Variants in TENM3 observed in about 807,000 individuals in gnomAD.
TENM3 encodes teneurin transmembrane protein 3, also known as teneurin-3.
In TENM3, 63 loss-of-function variants were observed where a neutral mutation model predicts 255.1. The observed-to-expected ratio is 0.25, with a 90% CI of 0.20 to 0.30. TENM3 has a LOEUF of 0.30. Among genes scored for constraint, TENM3 ranks in the 10% least tolerant of loss-of-function variants. The pLI is 1.00. For missense variants in TENM3, 2,929 were observed against 3,461.1 expected (o/e 0.85, Z 3.86); for synonymous variants, 1,306 against 1,322.3 (o/e 0.99, Z 0.27).
At chr4:182,580,412 C>T (rs769295634) in intron 3 of TENM3, among the ~76,000 whole-genome samples, 3 of 152,092 alleles carry the variant, frequency 2.0e-5, no homozygotes, top group Non-Finnish European at 4.4e-5. Context: ...ACCTCTTCAT[C>T]GCTCTATTTT....
the TENM3 span, among the ~76,000 whole-genome samples, chr4:181,825,270 G>C: frequency 2.0e-5 from 3 of 151,936 alleles, no homozygotes; most frequent in Non-Finnish European, 2.9e-5. Flanking sequence ...TTGTGTTGGC[G>C]TGAGCCTGTA....
the TENM3 span, among the ~76,000 whole-genome samples, chr4:181,823,029 A>G: frequency 6.6e-6 from 1 of 152,312 alleles, no homozygotes; most frequent in East Asian, 1.9e-4. Context: ...AATGCAGGGA[A>G]TGGATTAATT....
At chr4:181,504,383 G>C in the TENM3 span, among the ~76,000 whole-genome samples, 1 of 152,142 alleles carries the variant, frequency 6.6e-6, no homozygotes, top group Non-Finnish European at 1.5e-5. Flanking sequence ...CCAAGAGCAG[G>C]CTCCTTCTAA....
At chr4:181,833,172 C>T in the TENM3 span, among the ~76,000 whole-genome samples, 108,785 of 151,974 alleles carry the variant, frequency 0.72, 39,247 homozygotes, top group East Asian at 0.92. Flanking sequence ...TTCCCGACAA[C>T]AGAGGTGATA....
At chr4:182,784,763 G>GT (rs1281108223) in intron 24 of TENM3, among the ~76,000 whole-genome samples, 4 of 152,056 alleles carry the variant, frequency 2.6e-5, no homozygotes, top group South Asian at 4.2e-4. Flanking sequence ...CTGGTGTGCC[G>GT]TTTTTTAAGC....
At chr4:181,521,612 A>G in the TENM3 span, among the ~76,000 whole-genome samples, 2 of 152,226 alleles carry the variant, frequency 1.3e-5, no homozygotes, top group Admixed American at 1.3e-4. Flanking sequence ...AATATCTTTA[A>G]GCACTGGAAC....
intron 3 of TENM3, among the ~76,000 whole-genome samples, chr4:182,590,595 C>T (rs1284714255): frequency 6.8e-6 from 1 of 147,660 alleles, no homozygotes; most frequent in Non-Finnish European, 1.5e-5. Flanking sequence ...TGCAATGGCT[C>T]ACGCCTATAA....
chr4:181,888,532 A>ATATGTG, the TENM3 span, among the ~76,000 whole-genome samples: 1 of 78,750 alleles, frequency 1.3e-5, no homozygotes, highest in African/African-American at 4.6e-5. Flanking sequence ...ATATACATAT[A>ATATGTG]TGTGTATATA....
the TENM3 span, among the ~76,000 whole-genome samples, chr4:181,732,482 C>G: frequency 3.3e-5 from 5 of 152,102 alleles, no homozygotes; most frequent in African/African-American, 1.2e-4. Flanking sequence ...TAATGATTAT[C>G]TTAAAGGCCT....
chr4:182,139,798 C>T (rs1749268609), upstream of TENM3, among the ~76,000 whole-genome samples: 1 of 152,210 alleles, frequency 6.6e-6, no homozygotes, highest in Admixed American at 6.5e-5. Flanking sequence ...TACGCAAATG[C>T]ATTTCCACCG....
chr4:182,593,321 G>C (rs1449497438), intron 3 of TENM3, among the ~76,000 whole-genome samples: 1 of 152,126 alleles, frequency 6.6e-6, no homozygotes, highest in East Asian at 1.9e-4. Context: ...TCACAGTTTT[G>C]TGAAATTAAA....
At chr4:182,102,982 A>G in the TENM3 span, among the ~76,000 whole-genome samples, 1 of 152,242 alleles carries the variant, frequency 6.6e-6, no homozygotes, top group African/African-American at 2.4e-5. Flanking sequence ...CAATTTAAGG[A>G]GACAGTATTA....
chr4:182,237,695 G>A (rs1365526134), intron 1 of TENM3, among the ~76,000 whole-genome samples: 2 of 152,202 alleles, frequency 1.3e-5, no homozygotes, highest in Non-Finnish European at 1.5e-5. Context: ...CTGTTACACA[G>A]CAAAGTTAAG....
intron 11 of TENM3, among the ~76,000 whole-genome samples, chr4:182,682,234 C>T (rs559529543): frequency 2.0e-5 from 3 of 152,240 alleles, no homozygotes; most frequent in African/African-American, 7.2e-5. Context: ...TAGTATTATG[C>T]GGAGACTCAT....
At chr4:181,570,035 C>CTTT in the TENM3 span, among the ~76,000 whole-genome samples, 97 of 113,830 alleles carry the variant, frequency 8.5e-4, no homozygotes, top group South Asian at 1.2e-3. Context: ...ACAAATGTTT[C>CTTT]TTTTTTTTTT....
chr4:182,261,915 A>G (rs1758822916), intron 1 of TENM3, among the ~76,000 whole-genome samples: 1 of 152,130 alleles, frequency 6.6e-6, no homozygotes, highest in African/African-American at 2.4e-5. Flanking sequence ...ACCAGAGTAA[A>G]GGCTCATTTG....
the TENM3 span, among the ~76,000 whole-genome samples, chr4:181,771,260 A>G: frequency 2.0e-5 from 3 of 152,232 alleles, no homozygotes; most frequent in South Asian, 4.1e-4. Context: ...CCTAGATTAG[A>G]TATGGAAGGT....
the TENM3 span, among the ~76,000 whole-genome samples, chr4:182,066,493 C>G: frequency 2.0e-5 from 3 of 151,328 alleles, no homozygotes; most frequent in Non-Finnish European, 4.4e-5. Context: ...CATTAGGGAA[C>G]GAATTTAAGA....
At chr4:182,727,327 G>A (rs1459434934) in intron 13 of TENM3, among the ~76,000 whole-genome samples, 1 of 151,936 alleles carries the variant, frequency 6.6e-6, no homozygotes, top group Non-Finnish European at 1.5e-5. Context: ...ATGGTGGCAG[G>A]TGCCTTTAGT....
Sources: gnomAD v4.1 joint callset for allele counts (sites outside exome capture counted in the v4.1 genomes callset) on GRCh38, gnomAD v4.1.1 for gene constraint, MANE v1.5 for transcripts, NCBI Gene and HGNC (gene_info 2026-07-23, HGNC 2026-07-21) for gene names.